ERC2: variants seen among roughly 807,000 people sequenced by gnomAD.
ERC2 encodes ERC protein 2.
In ERC2, 42 loss-of-function variants were observed where a neutral mutation model predicts 114.8. That is an observed-to-expected ratio of 0.37 (90% CI 0.29 to 0.47). The LOEUF is 0.47. ERC2 is among the 20% of genes least tolerant of loss of function. The pLI is 0.99. For missense variants in ERC2, 939 were observed against 1,150.7 expected, an observed-to-expected ratio of 0.82 and a Z score of 2.66; for synonymous variants, 454 against 425.5, an observed-to-expected ratio of 1.07 and a Z score of -0.82.
At chr3:56,456,790 T>C (rs2063080078) in intron 1 of ERC2, among the ~76,000 whole-genome samples, 1 of 152,236 alleles carries the variant, frequency 6.6e-6, no homozygotes, top group South Asian at 2.1e-4. Flanking sequence ...TTGCACAAAC[T>C]GTTGTACAAA....
At chr3:55,781,522 C>A (rs1418466010) in intron 14 of ERC2, among the ~76,000 whole-genome samples, 4 of 150,672 alleles carry the variant, frequency 2.7e-5, no homozygotes, top group Admixed American at 2.6e-4. Flanking sequence ...TGGCTTAATT[C>A]CTTGCTCCCT....
intron 17 of ERC2, among the ~76,000 whole-genome samples, chr3:55,552,096 A>T (rs1005318653): frequency 1.3e-5 from 2 of 152,184 alleles, no homozygotes; most frequent in African/African-American, 2.4e-5. Flanking sequence ...CTCGGTCCTC[A>T]ACTGTGAGAA....
At chr3:56,356,577 C>G (rs2058752045) in intron 2 of ERC2, among the ~76,000 whole-genome samples, 1 of 152,224 alleles carries the variant, frequency 6.6e-6, no homozygotes, top group Non-Finnish European at 1.5e-5. Context: ...TCCACCTACA[C>G]TGGTCAAGCA....
chr3:55,880,564 C>T (rs540454234), intron 14 of ERC2, among the ~76,000 whole-genome samples: 1 of 152,268 alleles, frequency 6.6e-6, no homozygotes, highest in Non-Finnish European at 1.5e-5. Flanking sequence ...CCTTCCCTCT[C>T]TGCTACCTGT....
chr3:55,972,846 T>C (rs1277735235), intron 12 of ERC2, among the ~76,000 whole-genome samples: 1 of 152,084 alleles, frequency 6.6e-6, no homozygotes, highest in Non-Finnish European at 1.5e-5. Flanking sequence ...TTTGCAGGTA[T>C]ATAGAAAGAA....
intron 14 of ERC2, among the ~76,000 whole-genome samples, chr3:55,829,533 T>G (rs1421239294): frequency 6.6e-6 from 1 of 152,202 alleles, no homozygotes; most frequent in African/African-American, 2.4e-5. Context: ...ATATTTTTTC[T>G]TTAATGAGAT....
chr3:55,533,166 G>A (rs761766052), intron 17 of ERC2, among the ~76,000 whole-genome samples: 4 of 152,202 alleles, frequency 2.6e-5, no homozygotes, highest in Admixed American at 6.5e-5. Flanking sequence ...TCCTGTGTCC[G>A]TCAGGGGACA....
intron 3 of ERC2, among the ~76,000 whole-genome samples, chr3:56,189,882 T>A (rs1268258864): frequency 1.3e-5 from 2 of 152,246 alleles, no homozygotes; most frequent in African/African-American, 4.8e-5. Flanking sequence ...GAATATTTTA[T>A]GGCATTTGCC....
chr3:55,693,453 A>G (rs2148809747), intron 16 of ERC2, among the ~76,000 whole-genome samples: 1 of 152,244 alleles, frequency 6.6e-6, no homozygotes, highest in Non-Finnish European at 1.5e-5. Context: ...CACTGCCAAG[A>G]ACCCTCTGTG....
chr3:56,261,907 T>C (rs2052958806), intron 3 of ERC2, among the ~76,000 whole-genome samples: 2 of 152,164 alleles, frequency 1.3e-5, no homozygotes, highest in South Asian at 4.2e-4. Flanking sequence ...TGTTCCCCTC[T>C]ATGTGTCCAT....
intron 6 of ERC2, among the ~76,000 whole-genome samples, chr3:56,129,079 C>T (rs1331266812): frequency 6.6e-6 from 1 of 152,234 alleles, no homozygotes; most frequent in Non-Finnish European, 1.5e-5. Flanking sequence ...TGATCCTTAA[C>T]TACACAACTT....
chr3:56,040,770 CTATATATAGAGATATATATAGA>C (rs1416654387), intron 7 of ERC2, among the ~76,000 whole-genome samples: 6 of 109,666 alleles, frequency 5.5e-5, no homozygotes, highest in African/African-American at 1.8e-4. Flanking sequence ...ACATAGATCT[CTATATATAGAGATATATATAGA>C]TATATATAGA....
At chr3:56,289,374 CT>C (rs1286920208) in intron 3 of ERC2, among the ~76,000 whole-genome samples, 7 of 152,178 alleles carry the variant, frequency 4.6e-5, no homozygotes, top group African/African-American at 9.7e-5. Flanking sequence ...TCTAACTTCT[CT>C]CCCTGCTTTT....
intron 3 of ERC2, among the ~76,000 whole-genome samples, chr3:56,269,065 A>G (rs563666446): frequency 3.3e-4 from 51 of 152,336 alleles, no homozygotes; most frequent in Admixed American, 7.8e-4. Flanking sequence ...TCCATCAATA[A>G]AAAGAAAACA....
intron 17 of ERC2, among the ~76,000 whole-genome samples, chr3:55,574,379 C>T (rs1204844408): frequency 2.6e-5 from 4 of 152,094 alleles, no homozygotes; most frequent in Non-Finnish European, 4.4e-5. Flanking sequence ...TTTTATCTCC[C>T]AAGTCATCTG....
At position 55,879,881 on chromosome 3, in the gene ERC2, C is replaced by T. The variant is rs6771839; in HGVS notation, c.2564+8508G>A. Among the ~76,000 whole-genome samples, 813 of 152,270 alleles carry T rather than the reference C, an allele frequency of 5.3e-3. 9 individuals carry two copies. The highest frequency in any genetic ancestry group is 0.019 in the African/African-American group (773 of 41,558). On this transcript the variant is annotated intron_variant, in intron 14 of 17. Transcript: ENST00000288221. The stretch of plus-strand genomic sequence containing the variant: ...GCTTAAAACCCTGGCCAGTGGGCCC[C>T]TTCCCCCACACTTGTTCTCACATCT...
chr3:56,140,359 A>G (rs1163805707), intron 5 of ERC2, among the ~76,000 whole-genome samples: 1 of 152,138 alleles, frequency 6.6e-6, no homozygotes, highest in Non-Finnish European at 1.5e-5. Context: ...TAGGCTGATC[A>G]TATATTTTTG....
intron 14 of ERC2, chr3:55,852,598 A>C (rs2061622081): frequency 1.3e-5 from 2 of 153,430 alleles, no homozygotes; most frequent in South Asian, 4.1e-4. Flanking sequence ...AATTCCTTTA[A>C]AAAAATCTTG....
chr3:56,061,539 A>G (rs1026210549), intron 7 of ERC2, among the ~76,000 whole-genome samples: 3 of 152,230 alleles, frequency 2.0e-5, no homozygotes, highest in African/African-American at 7.2e-5. Flanking sequence ...ACTTTAAAAG[A>G]TGAATTATTC....
Sources: gnomAD v4.1 joint callset for allele counts (sites outside exome capture counted in the v4.1 genomes callset) on GRCh38, gnomAD v4.1.1 for gene constraint, MANE v1.5 for transcripts, NCBI Gene and HGNC (gene_info 2026-07-23, HGNC 2026-07-21) for gene names.